ITCH: variants seen among roughly 807,000 people sequenced by gnomAD.
The protein encoded by ITCH is E3 ubiquitin-protein ligase Itchy homolog.
Under a neutral mutation model 126.8 loss-of-function variants are expected in ITCH, and 28 were observed. The ratio of observed to expected loss-of-function variants is 0.22; its 90% CI spans 0.16 to 0.30. ITCH has a LOEUF of 0.30. Ranked by LOEUF, ITCH falls within the 10% of genes least tolerant of loss-of-function variation. ITCH has a pLI of 1.00. For synonymous variants in ITCH, 342 were observed against 340.0 expected, an observed-to-expected ratio of 1.01 and a Z score of -0.06; for missense variants, 631 against 1,032.4, an observed-to-expected ratio of 0.61 and a Z score of 5.33.
At chr20:34,435,500 G>C (rs1433458609) in intron 7 of ITCH, among the ~76,000 whole-genome samples, 2 of 152,234 alleles carry the variant, frequency 1.3e-5, no homozygotes, top group East Asian at 3.9e-4. Flanking sequence ...GGGGAGAAAA[G>C]AGTTTTTGTC....
At chr20:34,490,885 G>A (rs549856082) in intron 22 of ITCH, among the ~76,000 whole-genome samples, 22 of 152,282 alleles carry the variant, frequency 1.4e-4, no homozygotes, top group African/African-American at 5.3e-4. Context: ...TTGTACACCA[G>A]TATTCATCAT....
rs559271487 is a variant in ITCH at position 34,398,037 on chromosome 20, T to C, written c.70+4156T>C. 6.6e-5 allele frequency among the ~76,000 whole-genome samples: 10 copies of C among 151,700 alleles called. No individual in the cohort carries two copies. The East Asian group carries it at 1.4e-3, about 21-fold the overall frequency. On this transcript the variant is annotated intron_variant, in intron 3 of 24. Coordinates refer to ENST00000374864, the MANE Select transcript of ITCH (RefSeq NM_031483.7). ...TGTGATGATAAACACTAATTGCACC[T>C]CAAAAAGTCGTAATCCATAGCCATC...
chr20:34,422,069 A>T (rs945777436), intron 6 of ITCH, among the ~76,000 whole-genome samples: 4 of 152,132 alleles, frequency 2.6e-5, no homozygotes, highest in African/African-American at 9.7e-5. Context: ...TCCTAATGAG[A>T]TGTAAATTTT....
intron 6 of ITCH, among the ~76,000 whole-genome samples, chr20:34,421,233 G>C (rs1218562409): frequency 6.6e-6 from 1 of 152,170 alleles, no homozygotes; most frequent in Non-Finnish European, 1.5e-5. Flanking sequence ...TCCTGCCTCA[G>C]CTTTTTGAGT....
intron 2 of ITCH, among the ~76,000 whole-genome samples, chr20:34,392,120 T>C (rs2038511414): frequency 6.6e-6 from 1 of 152,218 alleles, no homozygotes. Flanking sequence ...AAGTAATAAC[T>C]ACATAATGTG....
At chr20:34,497,902 G>C (rs1002022462) in intron 23 of ITCH, among the ~76,000 whole-genome samples, 2 of 152,244 alleles carry the variant, frequency 1.3e-5, no homozygotes, top group African/African-American at 4.8e-5. Flanking sequence ...TGTAGGGATT[G>C]CATTGAATCT....
rs1172771183 is a variant in ITCH, at chr20:34,485,070, A to T, written c.2093+3864A>T. ...TCTTATATCTAGCTTTTAGTGTCTG[A>T]TTTTTTCTTTTATTTGGTGTTTGTG... On this transcript the variant is annotated intron_variant, in intron 20 of 24. Transcript: ENST00000374864. Among the ~76,000 whole-genome samples, 4 of 151,668 alleles carry T rather than the reference A, an allele frequency of 2.6e-5. No individual in the cohort carries two copies. The South Asian group carries it at 8.3e-4, about 32-fold the overall frequency.
At chr20:34,473,973 A>G (rs918318202) in intron 16 of ITCH, among the ~76,000 whole-genome samples, 5 of 152,344 alleles carry the variant, frequency 3.3e-5, no homozygotes, top group East Asian at 3.9e-4. Flanking sequence ...GCCTTCACCT[A>G]CATCAAACAG....
chr20:34,415,015 T>TC (rs1246339559), intron 6 of ITCH, among the ~76,000 whole-genome samples: 1 of 152,224 alleles, frequency 6.6e-6, no homozygotes, highest in African/African-American at 2.4e-5. Context: ...TAGAACTTTT[T>TC]CCTACTGTTT....
chr20:34,504,280 G>GT lies in ITCH; in HGVS notation c.2417-48dup, dbSNP rs1990478845. 4.4e-6 allele frequency: 6 copies of GT among 1,375,172 alleles called. No homozygotes were observed. The South Asian group carries it at 7.0e-5, about 16-fold the overall frequency. The allele number at this position is 1,375,172 out of a possible 1,614,324, so 85.2% of individuals were successfully genotyped here. A position where few individuals can be genotyped will look rare whatever the true frequency, so the allele number is the denominator to read the frequency against. ...GATGCTTGTTGGATTGGGGAACACAGTTTGAGATCCACTATACTAACAAAC... is the reference window on the plus strand; with the variant it reads ...GATGCTTGTTGGATTGGGGAACACAGTTTTGAGATCCACTATACTAACAAAC... On this transcript the variant is annotated intron_variant, in intron 23 of 24. Coordinates refer to ENST00000374864, the MANE Select transcript of ITCH (RefSeq NM_031483.7).
In ITCH at chr20:34,465,735, G is replaced by A. The variant is rs553179865; in HGVS notation, c.1424+3514G>A. On this transcript the variant is annotated intron_variant, in intron 14 of 24. Transcript: ENST00000374864. ...TTGTTTATTCTTAGTATATAGAAAT[G>A]GAACTATTTTGTGTTGACTTTGTAT... Among the ~76,000 whole-genome samples the A allele has an allele frequency of 9.2e-5, 14 of 152,154 alleles. No individual in the cohort carries two copies. The South Asian group carries it at 1.5e-3, about 16-fold the overall frequency.
intron 20 of ITCH, among the ~76,000 whole-genome samples, chr20:34,485,657 CTCT>C: frequency 6.6e-6 from 1 of 152,168 alleles, no homozygotes; most frequent in Middle Eastern, 3.4e-3. Context: ...TCTTCCCTCC[CTCT>C]TCTTACCTTT....
intron 12 of ITCH, among the ~76,000 whole-genome samples, chr20:34,452,171 G>GA (rs1038789949): frequency 6.6e-6 from 1 of 151,502 alleles, no homozygotes; most frequent in African/African-American, 2.4e-5. Flanking sequence ...GGCAGGTGTA[G>GA]AAAAAAATGC....
intron 23 of ITCH, among the ~76,000 whole-genome samples, chr20:34,495,323 GCA>G (rs938217991): frequency 1.1e-5 from 1 of 88,806 alleles, no homozygotes; most frequent in African/African-American, 3.8e-5. Flanking sequence ...ATATACACAC[GCA>G]CACACACACA....
chr20:34,429,520 G>A (rs1982003679), intron 7 of ITCH, among the ~76,000 whole-genome samples: 1 of 152,156 alleles, frequency 6.6e-6, no homozygotes, highest in East Asian at 1.9e-4. Flanking sequence ...TGATGCTGAT[G>A]CTGCTAGACC....
intron 2 of ITCH, among the ~76,000 whole-genome samples, chr20:34,376,231 C>G (rs1342245323): frequency 6.6e-6 from 1 of 151,890 alleles, no homozygotes; most frequent in African/African-American, 2.4e-5. Context: ...AAGATTTAAC[C>G]AGCCTCGGCA....
At chr20:34,474,829 G>T (rs1241853395) in intron 16 of ITCH, among the ~76,000 whole-genome samples, 7 of 152,038 alleles carry the variant, frequency 4.6e-5, no homozygotes, top group African/African-American at 9.7e-5. Context: ...CAGGGTGGCT[G>T]CCGGGTGGAG....
At chr20:34,433,263 C>G (rs1383948098) in intron 7 of ITCH, among the ~76,000 whole-genome samples, 1 of 152,242 alleles carries the variant, frequency 6.6e-6, no homozygotes, top group East Asian at 1.9e-4. Context: ...GCACTCCACC[C>G]TGGGGGACAA....
intron 17 of ITCH, among the ~76,000 whole-genome samples, chr20:34,479,142 A>G (rs914945703): frequency 6.6e-6 from 1 of 152,196 alleles, no homozygotes; most frequent in Non-Finnish European, 1.5e-5. Context: ...AAGAATTTTC[A>G]TATTGATTTA....
Sources: gnomAD v4.1 joint callset for allele counts (sites outside exome capture counted in the v4.1 genomes callset) on GRCh38, gnomAD v4.1.1 for gene constraint, MANE v1.5 for transcripts, NCBI Gene and HGNC (gene_info 2026-07-23, HGNC 2026-07-21) for gene names.